Variants in CNTNAP2 observed in about 807,000 individuals in gnomAD.
CNTNAP2 encodes contactin associated protein 2.
A neutral mutation model predicts 155.2 loss-of-function variants in CNTNAP2; 98 were observed. The observed-to-expected ratio is 0.63, with a 90% CI of 0.54 to 0.75. CNTNAP2 has a LOEUF of 0.75. CNTNAP2 is among the 30% of genes least tolerant of loss of function. CNTNAP2 has a pLI of 0.00. For missense variants in CNTNAP2, 1,727 were observed against 1,688.1 expected (o/e 1.02, Z -0.40); for synonymous variants, 651 against 631.2 (o/e 1.03, Z -0.47).
At chr7:146,910,045 C>T (rs1585152020) in intron 3 of CNTNAP2, among the ~76,000 whole-genome samples, 1 of 99,330 alleles carries the variant, frequency 1.0e-5, no homozygotes, top group African/African-American at 3.5e-5. Context: ...GAGTGAACTC[C>T]CATTCACAAT....
At chr7:147,527,889 A>G (rs1333303044) in intron 11 of CNTNAP2, among the ~76,000 whole-genome samples, 1 of 152,202 alleles carries the variant, frequency 6.6e-6, no homozygotes, top group African/African-American at 2.4e-5. Context: ...GAAGGAGTGG[A>G]GATAATAAGA....
intron 10 of CNTNAP2, among the ~76,000 whole-genome samples, chr7:147,458,398 A>G (rs1797959600): frequency 6.6e-6 from 1 of 152,092 alleles, no homozygotes; most frequent in South Asian, 2.1e-4. Context: ...AAGTCTACTT[A>G]TTGAGATACT....
At chr7:148,172,215 G>A (rs1284559644) in intron 17 of CNTNAP2, 27 bp from the exon 18 acceptor site, 1 of 1,609,082 alleles carries the variant, frequency 6.2e-7, no homozygotes, top group African/African-American at 1.3e-5. Flanking sequence ...TATTCCCTCT[G>A]AACTCTGTGC....
At chr7:147,282,265 G>T (rs368001406) in intron 8 of CNTNAP2, among the ~76,000 whole-genome samples, 1 of 151,858 alleles carries the variant, frequency 6.6e-6, no homozygotes, top group Non-Finnish European at 1.5e-5. Context: ...ATATAAATCA[G>T]GTGTGACCAG....
intron 13 of CNTNAP2, among the ~76,000 whole-genome samples, chr7:147,857,609 C>T (rs1348510329): frequency 6.6e-6 from 1 of 152,136 alleles, no homozygotes; most frequent in African/African-American, 2.4e-5. Context: ...AAGAACTTGG[C>T]GTCAGAGGAA....
At chr7:146,451,599 C>A (rs1796481436) in intron 1 of CNTNAP2, among the ~76,000 whole-genome samples, 1 of 151,990 alleles carries the variant, frequency 6.6e-6, no homozygotes, top group East Asian at 1.9e-4. Flanking sequence ...TAACAACGGG[C>A]CCTACGTTTT....
intron 1 of CNTNAP2, among the ~76,000 whole-genome samples, chr7:146,343,076 GGTT>G (rs1794759443): frequency 6.6e-6 from 1 of 151,764 alleles, no homozygotes; most frequent in Non-Finnish European, 1.5e-5. Context: ...TGGTAAAGAA[GGTT>G]GTTTTTTTTT....
intron 13 of CNTNAP2, among the ~76,000 whole-genome samples, chr7:147,881,790 G>A (rs1161983086): frequency 6.6e-6 from 1 of 152,038 alleles, no homozygotes. Flanking sequence ...GGCCAACAAC[G>A]GTGAAACCCC....
At chr7:147,368,460 T>C (rs1208764150) in intron 9 of CNTNAP2, among the ~76,000 whole-genome samples, 1 of 152,126 alleles carries the variant, frequency 6.6e-6, no homozygotes, top group Non-Finnish European at 1.5e-5. Flanking sequence ...ACTTGAAATA[T>C]AGAGTGTCTA....
At chr7:147,731,375 TTC>T (rs1486898012) in intron 13 of CNTNAP2, among the ~76,000 whole-genome samples, 1 of 151,976 alleles carries the variant, frequency 6.6e-6, no homozygotes, top group African/African-American at 2.4e-5. Flanking sequence ...CTCTTAAGAG[TTC>T]TACTATCTCT....
chr7:148,227,557 G>A (rs1002109724), intron 19 of CNTNAP2, among the ~76,000 whole-genome samples: 1 of 152,152 alleles, frequency 6.6e-6, no homozygotes. Context: ...CTCAGCCAGG[G>A]AGCAGGCTCC....
intron 13 of CNTNAP2, among the ~76,000 whole-genome samples, chr7:147,674,939 T>C (rs188031732): frequency 6.6e-6 from 1 of 152,172 alleles, no homozygotes; most frequent in East Asian, 1.9e-4. Context: ...CTATCAGCTG[T>C]TTATCTTAGA....
At chr7:147,553,978 A>G (rs572128660) in intron 11 of CNTNAP2, among the ~76,000 whole-genome samples, 11 of 152,286 alleles carry the variant, frequency 7.2e-5, no homozygotes, top group Non-Finnish European at 1.5e-4. Flanking sequence ...AAGAAAAAAA[A>G]GGAAATGAGA....
At chr7:147,767,862 T>C (rs767423638) in intron 13 of CNTNAP2, among the ~76,000 whole-genome samples, 1 of 152,044 alleles carries the variant, frequency 6.6e-6, no homozygotes, top group Non-Finnish European at 1.5e-5. Context: ...TCTTTCAAGA[T>C]AGGAAATGAG....
intron 18 of CNTNAP2, among the ~76,000 whole-genome samples, chr7:148,214,163 C>A (rs1358044505): frequency 1.3e-5 from 2 of 152,212 alleles, no homozygotes; most frequent in Non-Finnish European, 1.5e-5. Context: ...CCTGCACTTA[C>A]CCCTCTGCAT....
chr7:146,359,298 T>C (rs1387505875), intron 1 of CNTNAP2, among the ~76,000 whole-genome samples: 1 of 152,254 alleles, frequency 6.6e-6, no homozygotes, highest in Non-Finnish European at 1.5e-5. Context: ...TTCTCTTCTG[T>C]GTTCAAGAAA....
intron 13 of CNTNAP2, among the ~76,000 whole-genome samples, chr7:147,710,484 C>T (rs1459297198): frequency 2.0e-5 from 3 of 152,134 alleles, no homozygotes; most frequent in Non-Finnish European, 2.9e-5. Flanking sequence ...AAGACAACTT[C>T]TACAAGCCTT....
chr7:147,678,181 G>A (rs1795896486), intron 13 of CNTNAP2, among the ~76,000 whole-genome samples: 1 of 151,688 alleles, frequency 6.6e-6, no homozygotes, highest in East Asian at 1.9e-4. Context: ...GATGTTACAT[G>A]AGCCTTCAGT....
intron 21 of CNTNAP2, among the ~76,000 whole-genome samples, chr7:148,334,815 G>A (rs750438829): frequency 4.6e-5 from 7 of 152,226 alleles, no homozygotes; most frequent in African/African-American, 7.2e-5. Context: ...AGCAATCATT[G>A]GGGGAGACTT....
Sources: gnomAD v4.1 joint callset for allele counts (sites outside exome capture counted in the v4.1 genomes callset) on GRCh38, gnomAD v4.1.1 for gene constraint, MANE v1.5 for transcripts, NCBI Gene and HGNC (gene_info 2026-07-23, HGNC 2026-07-21) for gene names.